Variants in ZNF579 observed in about 807,000 individuals in gnomAD.
ZNF579 encodes zinc finger protein 579.
In ZNF579, 3 loss-of-function variants were observed where a neutral mutation model predicts 5.7. The observed-to-expected ratio is 0.53, with a 90% confidence interval of 0.24 to 1.36. The LOEUF is 1.36. Among genes scored for constraint, ZNF579 ranks in the 40% most tolerant of loss-of-function variants. ZNF579 has a pLI of 0.16. For missense variants in ZNF579, 679 were observed against 877.6 expected (o/e 0.77, Z 2.86); for synonymous variants, 454 against 409.0 (o/e 1.11, Z -1.33).
chr19:55,578,056 G>A lies in ZNF579; in HGVS notation c.1584C>T (p.Leu528=). ...PQSPPAPPVF[L]SASCFDSQDH... ...CTTGGCTGTCGAAACAGGAGGCGCT[G>A]AGGAAGACAGGGGGAGCCGGCGGGG... Residue 528 remains leucine, a synonymous_variant, in exon 2 of 2, where the codon CTC becomes CTT. Coordinates refer to ENST00000325421, the MANE Select transcript of ZNF579 (RefSeq NM_152600.3). 1 of 1,587,462 alleles carries A rather than the reference G, an allele frequency of 6.3e-7. No individual in the cohort carries two copies. The highest frequency in any genetic ancestry group is 8.6e-7 in the Non-Finnish European group (1 of 1,167,042).
chr19:55,579,279 G>T lies in ZNF579; in HGVS notation c.361C>A (p.Gln121Lys). 1 of 1,514,206 alleles carries T rather than the reference G, an allele frequency of 6.6e-7. No homozygotes were observed. Among genetic ancestry groups the T allele is most frequent in the Non-Finnish European group, 8.8e-7 (1 of 1,135,914 alleles). The allele number at this position is 1,514,206 out of a possible 1,614,324, so 93.8% of individuals were successfully genotyped here. ...TCGACCTCGCCGCCCGCGTGCTCCTGAGCCAGGTGGCGCCTGAGCTGGGCC... is the reference window on the plus strand; with the variant it reads ...TCGACCTCGCCGCCCGCGTGCTCCTTAGCCAGGTGGCGCCTGAGCTGGGCC... ...EPAQLRRHLA[Q>K]EHAGGEVELA... Residue 121 changes from glutamine to lysine, a missense_variant, in exon 2 of 2, where the codon CAG (glutamine) becomes AAG (lysine). Gln to Lys is a moderately conservative substitution (Grantham distance 53). Transcript: ENST00000325421.
rs1356850195 is a variant in ZNF579 at position 55,578,138 on chromosome 19, G to A, written c.1502C>T (p.Pro501Leu). The change falls in exon 2 of 2, where the codon CCG (proline) becomes CTG (leucine). Residue 501 changes from proline (P) to leucine (L), a missense_variant. Pro to Leu is a moderately conservative substitution (Grantham distance 98, BLOSUM62 -3). Transcript: ENST00000325421. ...LKAEQEEEGLPLPLANIKEEP... is the reference protein window; with the variant it reads ...LKAEQEEEGLLLPLANIKEEP... Reference sequence around the variant, plus strand: ...TTCCTTAATGTTTGCGAGGGGCAGCGGGAGCCCTTCTTCCTCCTGCTCGGC... The same window carrying A: ...TTCCTTAATGTTTGCGAGGGGCAGCAGGAGCCCTTCTTCCTCCTGCTCGGC... 3 of 1,538,430 alleles carry A rather than the reference G, an allele frequency of 2.0e-6. No individual in the cohort carries two copies. The highest frequency in any genetic ancestry group is 1.4e-5 in the African/African-American group (1 of 73,062).
Position 55,577,697 on chromosome 19 carries a change from A to G in ZNF579, c.*254T>C, listed in dbSNP as rs1979422625. 1 of 573,602 alleles carries G rather than the reference A, an allele frequency of 1.7e-6. No individual in the cohort carries two copies. The allele number at this position is 573,602 out of a possible 1,614,324, so 35.5% of individuals were successfully genotyped here. A position where few individuals can be genotyped will look rare whatever the true frequency, so the allele number is the denominator to read the frequency against. On this transcript the variant is annotated 3_prime_UTR_variant, in exon 2 of 2. Coordinates refer to ENST00000325421, the MANE Select transcript of ZNF579 (RefSeq NM_152600.3). ...CCACCAGTCTCCATCCCTCTGGCCA[A>G]CTGTCCGCCGCCTTTTTTTCCAAGT...
intron 1 of ZNF579, 174 bp from the exon 2 acceptor site, chr19:55,579,815 C>A: frequency 1.6e-6 from 1 of 631,786 alleles, no homozygotes; most frequent in Non-Finnish European, 2.4e-6. Flanking sequence ...GAGGGGAGGC[C>A]AGAGATGGAG....
In ZNF579 at chr19:55,578,584, G is replaced by GC; in HGVS notation, c.1055dup (p.Glu353ArgfsTer156). 1 of 1,472,032 alleles carries GC rather than the reference G, an allele frequency of 6.8e-7. No homozygotes were observed. The highest frequency in any genetic ancestry group is 1.4e-5 in the South Asian group (1 of 73,720). 91.2% of individuals were successfully genotyped at this position (1,472,032 alleles called of 1,614,324 possible). On this transcript the variant is annotated frameshift_variant, in exon 2 of 2. Coordinates refer to ENST00000325421, the MANE Select transcript of ZNF579 (RefSeq NM_152600.3). LOFTEE classifies it low-confidence loss of function (END_TRUNC). Reference sequence around the variant, plus strand: ...AGGCACCCCCGCACTCCGCCCCCTCGCCCCCCTCCGGCCCCTTGGCTGAGT... The same window carrying GC: ...AGGCACCCCCGCACTCCGCCCCCTCGCCCCCCCTCCGGCCCCTTGGCTGAGT...
Position 55,579,538 on chromosome 19 carries a change from C to A in ZNF579, c.102G>T (p.Arg34Ser). Residue 34 changes from arginine (R) to serine (S), a missense_variant, in exon 2 of 2, where the codon AGG (arginine) becomes AGT (serine). Coordinates refer to ENST00000325421, the MANE Select transcript of ZNF579 (RefSeq NM_152600.3). Reference sequence around the variant, plus strand: ...GCGCCCTAGGGGCTCCAGCGCCCCCCCTGCCACGGCCACGGCCCCGACCAC... The same window carrying A: ...GCGCCCTAGGGGCTCCAGCGCCCCCACTGCCACGGCCACGGCCCCGACCAC... ...RGRGRGRGRG[R>S]GGAGAPRAPL... 2 of 1,459,760 alleles carry A rather than the reference C, an allele frequency of 1.4e-6. No homozygotes were observed. The highest frequency in any genetic ancestry group is 1.3e-5 in the South Asian group (1 of 74,268). 90.4% of individuals were successfully genotyped at this position (1,459,760 alleles called of 1,614,324 possible).
In ZNF579 at chr19:55,578,217, C is replaced by T. The variant is rs1202639187; in HGVS notation, c.1423G>A (p.Ala475Thr). The change falls in exon 2 of 2, where the codon GCA (alanine) becomes ACA (threonine). Residue 475 changes from alanine to threonine, a missense_variant. By Grantham distance (58) the Ala-to-Thr change is moderately conservative. Coordinates refer to ENST00000325421, the MANE Select transcript of ZNF579 (RefSeq NM_152600.3). ...AELERAAALQ[A>T]LQAQAPTSPP... is the part of the protein sequence containing the mutation. The stretch of plus-strand genomic sequence containing the variant: ...GACGTCGGGGCCTGGGCCTGCAGTG[C>T]CTGCAGCGCGGCGGCCCTCTCCAGC... The T allele has an allele frequency of 1.0e-5, 15 of 1,459,522 alleles. No individual in the cohort carries two copies. In the African/African-American group the frequency reaches 1.7e-4, roughly 17 times the overall value. 90.4% of individuals were successfully genotyped at this position (1,459,522 alleles called of 1,614,324 possible). A position where few individuals can be genotyped will look rare whatever the true frequency, so the allele number is the denominator to read the frequency against.
In ZNF579 at chr19:55,578,548, T is replaced by C; in HGVS notation, c.1092A>G (p.Gly364=). ...CGGCGTCGCCTCCGTTCTGCCCTTC[T>C]CCCCCTTCCGAGGCACCCCCGCACT... is the stretch of plus-strand genomic sequence containing the variant. ...GAECGGASEG[G]EGQNGGDAAP... Residue 364 remains glycine (G), a synonymous_variant, in exon 2 of 2, where the codon GGA becomes GGG. Transcript: ENST00000325421. 1 of 1,429,952 alleles carries C rather than the reference T, an allele frequency of 7.0e-7. No homozygotes were observed. The highest frequency in any genetic ancestry group is 9.1e-7 in the Non-Finnish European group (1 of 1,101,128). The allele number at this position is 1,429,952 out of a possible 1,614,324, so 88.6% of individuals were successfully genotyped here.
At position 55,578,023 on chromosome 19, in the gene ZNF579, T is replaced by A. The variant is rs147579300; in HGVS notation, c.1617A>T (p.Ser539=). 2.5e-5 allele frequency: 40 copies of A among 1,597,756 alleles called. 1 individual carries two copies. The African/African-American group carries it at 5.1e-4, about 20-fold the overall frequency. Residue 539 remains serine (S), a synonymous_variant, in exon 2 of 2, where the codon TCA becomes TCT. Transcript: ENST00000325421. The part of the protein sequence containing the change: ...SASCFDSQDH[S]AFEMEEEEVD... ...CCTCTTCCTCCTCCATCTCGAAGGCTGAGTGGTCTTGGCTGTCGAAACAGG... is the reference window on the plus strand; with the variant it reads ...CCTCTTCCTCCTCCATCTCGAAGGCAGAGTGGTCTTGGCTGTCGAAACAGG...
Position 55,578,874 on chromosome 19 carries a change from C to T in ZNF579, c.766G>A (p.Glu256Lys). The part of the protein sequence containing the change: ...KAHPCLRPEG[E>K]QEGEGGPPPR... ...GGGGGCCCCCCTTCCCCTTCCTGTT[C>T]GCCCTCGGGGCGCAGACACGGGTGC... The change falls in exon 2 of 2, where the codon GAA becomes AAA. Residue 256 changes from glutamate to lysine, a missense_variant. Coordinates refer to ENST00000325421, the MANE Select transcript of ZNF579 (RefSeq NM_152600.3). 6.3e-7 allele frequency: 1 copy of T among 1,596,458 alleles called. No homozygotes were observed. The highest frequency in any genetic ancestry group is 8.5e-7 in the Non-Finnish European group (1 of 1,171,656).
chr19:55,577,755 G>T lies in ZNF579; in HGVS notation c.*196C>A. On this transcript the variant is annotated 3_prime_UTR_variant, in exon 2 of 2. Coordinates refer to ENST00000325421, the MANE Select transcript of ZNF579 (RefSeq NM_152600.3). ...CCTTAAGACACATGTTGGGGTGAGC[G>T]GTTCCTAACCAGCATCAGGGGTTCT... 1 of 1,027,330 alleles carries T rather than the reference G, an allele frequency of 9.7e-7. No homozygotes were observed. Among genetic ancestry groups the T allele is most frequent in the Non-Finnish European group, 1.4e-6 (1 of 729,274 alleles). 63.6% of individuals were successfully genotyped at this position (1,027,330 alleles called of 1,614,324 possible).
At chr19:55,579,928 A>T (rs1215712037) in intron 1 of ZNF579, 1 of 349,216 alleles carries the variant, frequency 2.9e-6, no homozygotes, top group African/African-American at 2.1e-5. Flanking sequence ...ACAGACAGAG[A>T]CCAGGAGTCG....
Position 55,578,184 on chromosome 19 carries a change from G to T in ZNF579, c.1456C>A (p.Pro486Thr). Residue 486 changes from proline (P) to threonine (T), a missense_variant, in exon 2 of 2, where the codon CCG becomes ACG. Physicochemically the swap from Pro to Thr is conservative, Grantham distance 38 (BLOSUM62 -1). This residue lies in a region of ZNF579 where 116 missense variants were observed against 121.9 expected (regional missense o/e 0.95). Transcript: ENST00000325421. ...TCGGCCTTCAGGGGCGGCGGGGGCG[G>T]TGGCGGCGACGTCGGGGCCTGGGCC... ...LQAQAPTSPP[P>T]PPPPLKAEQE... 1 of 1,495,444 alleles carries T rather than the reference G, an allele frequency of 6.7e-7. No individual in the cohort carries two copies. The allele number at this position is 1,495,444 out of a possible 1,614,324, so 92.6% of individuals were successfully genotyped here.
rs561336164 is a variant in ZNF579 at position 55,578,198 on chromosome 19, G to A, written c.1442C>T (p.Pro481Leu). Residue 481 changes from proline to leucine, a missense_variant, in exon 2 of 2, where the codon CCG (proline) becomes CTG (leucine). Pro to Leu is a moderately conservative substitution (Grantham distance 98, BLOSUM62 -3). Around this residue, in one of 6 missense-constraint regions of ZNF579, gnomAD observed 116 missense variants for 121.9 expected, o/e 0.95. Coordinates refer to ENST00000325421, the MANE Select transcript of ZNF579 (RefSeq NM_152600.3). The stretch of plus-strand genomic sequence containing the variant: ...CGGCGGGGGCGGTGGCGGCGACGTC[G>A]GGGCCTGGGCCTGCAGTGCCTGCAG... ...AALQALQAQA[P>L]TSPPPPPPPL... is the part of the protein sequence containing the mutation. 1.3e-4 allele frequency: 189 copies of A among 1,483,664 alleles called. No homozygotes were observed. In the South Asian group the frequency reaches 2.0e-3, roughly 15 times the overall value. 91.9% of individuals were successfully genotyped at this position (1,483,664 alleles called of 1,614,324 possible).
chr19:55,578,750 G>C lies in ZNF579; in HGVS notation c.890C>G (p.Pro297Arg). Reference protein sequence around the residue: ...RHRLVHSTDRPFVCPDCGLAF... With the variant: ...RHRLVHSTDRRFVCPDCGLAF... ...CAGGCCGCAGTCTGGGCACACGAAA[G>C]GGCGGTCGGTGGAGTGGACCAGCCG... Residue 297 changes from proline to arginine, a missense_variant, in exon 2 of 2, where the codon CCT becomes CGT. Coordinates refer to ENST00000325421, the MANE Select transcript of ZNF579 (RefSeq NM_152600.3). 1 of 1,601,490 alleles carries C rather than the reference G, an allele frequency of 6.2e-7. No individual in the cohort carries two copies. Among genetic ancestry groups the C allele is most frequent in the East Asian group, 2.3e-5 (1 of 43,972 alleles).
Position 55,578,902 on chromosome 19 carries a change from C to A in ZNF579, c.738G>T (p.Lys246Asn). Residue 246 changes from lysine to asparagine, a missense_variant, in exon 2 of 2, where the codon AAG (lysine) becomes AAT (asparagine). Coordinates refer to ENST00000325421, the MANE Select transcript of ZNF579 (RefSeq NM_152600.3). Reference protein sequence around the residue: ...REAFATKGELKAHPCLRPEGE... With the variant: ...REAFATKGELNAHPCLRPEGE... The stretch of plus-strand genomic sequence containing the variant: ...CCTCGGGGCGCAGACACGGGTGCGC[C>A]TTGAGCTCGCCCTTGGTGGCGAAGG... 6.3e-7 allele frequency: 1 copy of A among 1,589,700 alleles called. No homozygotes were observed. The highest frequency in any genetic ancestry group is 8.6e-7 in the Non-Finnish European group (1 of 1,169,090).
In ZNF579 at chr19:55,577,856, G is replaced by A; in HGVS notation, c.*95C>T. 2 of 1,516,666 alleles carry A rather than the reference G, an allele frequency of 1.3e-6. No individual in the cohort carries two copies. The highest frequency in any genetic ancestry group is 8.8e-7 in the Non-Finnish European group (1 of 1,137,396). The allele number at this position is 1,516,666 out of a possible 1,614,324, so 94.0% of individuals were successfully genotyped here. The stretch of plus-strand genomic sequence containing the variant: ...AGTGTCAAGGGCGTGAAGGGGACGG[G>A]TGGGTAGACAGAGGAGGTGGCTCCT... On this transcript the variant is annotated 3_prime_UTR_variant, in exon 2 of 2. Transcript: ENST00000325421.
chr19:55,580,293 G>C (rs574410967), intron 1 of ZNF579, among the ~76,000 whole-genome samples: 1 of 152,224 alleles, frequency 6.6e-6, no homozygotes, highest in African/African-American at 2.4e-5. Flanking sequence ...CCCGGAAATA[G>C]AGTGTGTTCT....
In ZNF579 at chr19:55,579,064, C is replaced by G; in HGVS notation, c.576G>C (p.Arg192=). ...LAAPTSAAEP[R]ESESEEAEAG... ...CCTCGGCCTCCTCCGACTCCGACTC[C>G]CGGGGCTCCGCGGCGCTGGTGGGCG... The change falls in exon 2 of 2, where the codon CGG becomes CGC. Residue 192 remains arginine, a synonymous_variant. Coordinates refer to ENST00000325421, the MANE Select transcript of ZNF579 (RefSeq NM_152600.3). 6.5e-7 allele frequency: 1 copy of G among 1,530,026 alleles called. No homozygotes were observed. The highest frequency in any genetic ancestry group is 1.2e-5 in the South Asian group (1 of 83,378). 94.8% of individuals were successfully genotyped at this position (1,530,026 alleles called of 1,614,324 possible).
Sources: allele counts gnomAD v4.1 joint callset (sites outside exome capture counted in the v4.1 genomes callset), GRCh38; gene constraint gnomAD v4.1.1; regional missense constraint gnomAD v4.1.1; transcripts MANE v1.5; gene names NCBI Gene and HGNC (gene_info 2026-07-23, HGNC 2026-07-21).